Variants in SYTL3 observed in about 807,000 individuals in gnomAD.
SYTL3 encodes the protein synaptotagmin like 3, also known as synaptotagmin-like protein 3.
A neutral mutation model predicts 82.1 loss-of-function variants in SYTL3; 88 were observed. The observed-to-expected ratio is 1.07, with a 90% CI of 0.90 to 1.28. The LOEUF (loss-of-function observed/expected upper bound fraction) is 1.28. SYTL3 is among the 50% of genes most tolerant of loss of function. The pLI, the probability that SYTL3 is intolerant of heterozygous loss-of-function variation, is 0.00. For synonymous variants in SYTL3, 311 were observed against 289.4 expected (o/e 1.07, Z -0.76); for missense variants, 831 against 757.6 (o/e 1.10, Z -1.14).
chr6:158,753,590 C>T (rs1392815849), intron 13 of SYTL3, among the ~76,000 whole-genome samples: 1 of 151,672 alleles, frequency 6.6e-6, no homozygotes, highest in Non-Finnish European at 1.5e-5. Flanking sequence ...ATTAGCCGGG[C>T]GTGGTGGCGG....
chr6:158,692,769 C>G (rs1267262321), intron 6 of SYTL3, among the ~76,000 whole-genome samples: 2 of 130,440 alleles, frequency 1.5e-5, no homozygotes, highest in Admixed American at 1.5e-4. Context: ...AATCCCGTCT[C>G]TACTAAAAAA....
intron 8 of SYTL3, among the ~76,000 whole-genome samples, chr6:158,711,366 T>C (rs1351249735): frequency 6.6e-6 from 1 of 151,998 alleles, no homozygotes; most frequent in Non-Finnish European, 1.5e-5. Flanking sequence ...ACACAGCCAA[T>C]AGGATATGTA....
chr6:158,704,794 G>T (rs1035182870), intron 6 of SYTL3, among the ~76,000 whole-genome samples: 12 of 152,266 alleles, frequency 7.9e-5, no homozygotes, highest in Non-Finnish European at 1.3e-4. Context: ...TCAGGATACT[G>T]TTGCCACAAC....
intron 10 of SYTL3, among the ~76,000 whole-genome samples, chr6:158,720,698 C>G (rs1017677591): frequency 6.6e-6 from 1 of 152,094 alleles, no homozygotes; most frequent in South Asian, 2.1e-4. Flanking sequence ...AGCGTAATGC[C>G]CTTCAGAGGT....
At chr6:158,703,812 A>ATAT (rs531980948) in intron 6 of SYTL3, among the ~76,000 whole-genome samples, 13,190 of 122,526 alleles carry the variant, frequency 0.11, 715 homozygotes, top group South Asian at 0.18. Flanking sequence ...AGTGGGTTTT[A>ATAT]TATTATTATC....
chr6:158,723,579 G>A (rs1784381233), intron 10 of SYTL3, among the ~76,000 whole-genome samples: 1 of 152,070 alleles, frequency 6.6e-6, no homozygotes, highest in African/African-American at 2.4e-5. Context: ...CGTTTTAAGT[G>A]TATAGTTCGC....
At chr6:158,725,314 GGT>G (rs1017522598) in intron 10 of SYTL3, among the ~76,000 whole-genome samples, 187 bp from the exon 11 acceptor site, 1 of 151,700 alleles carries the variant, frequency 6.6e-6, no homozygotes, top group Non-Finnish European at 1.5e-5. Flanking sequence ...GCGCGTGTGT[GGT>G]GTGTGTGTGC....
chr6:158,708,539 G>A (rs939541631), intron 8 of SYTL3, 148 bp downstream of exon 8: 1 of 729,040 alleles, frequency 1.4e-6, no homozygotes. Flanking sequence ...AGCGGGGTGG[G>A]GAGCGAGGGC....
At chr6:158,756,670 C>A (rs907549388) in intron 13 of SYTL3, among the ~76,000 whole-genome samples, 1 of 148,280 alleles carries the variant, frequency 6.7e-6, no homozygotes, top group African/African-American at 2.5e-5. Context: ...CAAGATCGTG[C>A]CACTGCACTC....
In SYTL3 at chr6:158,656,370, G is replaced by A. The variant is rs113746505; in HGVS notation, c.-637+4528G>A. Among the ~76,000 whole-genome samples, 525 of 152,224 alleles carry A rather than the reference G, an allele frequency of 3.4e-3. 2 individuals are homozygous for A. The highest frequency in any genetic ancestry group is 0.012 in the African/African-American group (489 of 41,524). On this transcript the variant is annotated intron_variant, in intron 2 of 17. Transcript: ENST00000611299. Reference sequence around the variant, plus strand: ...GTGGTCGTTTGCCTGCAAGCAGGTGGGTGCAGCCAGTTCAGGACCCCTGTG... The same window carrying A: ...GTGGTCGTTTGCCTGCAAGCAGGTGAGTGCAGCCAGTTCAGGACCCCTGTG...
intron 5 of SYTL3, among the ~76,000 whole-genome samples, chr6:158,679,444 T>C (rs1778410827): frequency 1.3e-5 from 2 of 152,032 alleles, no homozygotes; most frequent in African/African-American, 4.8e-5. Context: ...TAATTGCTTA[T>C]GAAGATGCTG....
intron 1 of SYTL3, among the ~76,000 whole-genome samples, chr6:158,651,153 C>A (rs188003533): frequency 2.0e-5 from 3 of 152,152 alleles, no homozygotes; most frequent in African/African-American, 7.2e-5. Context: ...ACATTTACTT[C>A]ATAATGTGGC....
intron 5 of SYTL3, among the ~76,000 whole-genome samples, chr6:158,678,378 T>G (rs1292986599): frequency 1.3e-5 from 2 of 152,230 alleles, no homozygotes; most frequent in Non-Finnish European, 2.9e-5. Context: ...GACATCATGC[T>G]GACTTTTCTT....
intron 5 of SYTL3, among the ~76,000 whole-genome samples, chr6:158,669,888 G>A (rs1179482711): frequency 1.3e-5 from 2 of 152,230 alleles, no homozygotes; most frequent in East Asian, 3.8e-4. Flanking sequence ...GATCACATAA[G>A]CCCAGGAGTT....
chr6:158,698,373 G>T (rs933766984), intron 6 of SYTL3, among the ~76,000 whole-genome samples: 5 of 148,662 alleles, frequency 3.4e-5, no homozygotes, highest in African/African-American at 1.3e-4. Context: ...CCCCAGCCTG[G>T]GTGACAGAGT....
intron 6 of SYTL3, 74 bp downstream of exon 6, chr6:158,683,063 T>C (rs1393365183): frequency 2.6e-6 from 3 of 1,147,566 alleles, no homozygotes; most frequent in Non-Finnish European, 3.9e-6. Flanking sequence ...GTTAAGACTT[T>C]GGAATATAAG....
intron 6 of SYTL3, among the ~76,000 whole-genome samples, chr6:158,697,986 C>T (rs548783052): frequency 1.1e-4 from 16 of 152,196 alleles, no homozygotes; most frequent in Non-Finnish European, 2.1e-4. Flanking sequence ...TTGTTGCTCC[C>T]TGGAAGGCAC....
rs201342455 is a variant in SYTL3, at chr6:158,764,514, C to T, written c.1743C>T (p.Gly581=). 54 of 1,613,580 alleles carry T rather than the reference C, an allele frequency of 3.3e-5. No homozygotes were observed. The Middle Eastern group carries it at 1.2e-3, about 35-fold the overall frequency. ...RLGSKGDTAV[G]GDACSLSKLQ... is the part of the protein sequence containing the mutation. ...TTACAGAGGGAGACACAGCTGTTGG[C>T]GGGGATGCATGCTCACTATCGAAGC... Residue 581 remains glycine, a synonymous_variant, in exon 18 of 18, where the codon GGC becomes GGT. Transcript: ENST00000611299.
chr6:158,688,028 G>C (rs536492538), intron 6 of SYTL3, among the ~76,000 whole-genome samples: 1 of 152,256 alleles, frequency 6.6e-6, no homozygotes, highest in African/African-American at 2.4e-5. Flanking sequence ...AATGTATTGT[G>C]ATCAGACTCT....
Sources: allele counts gnomAD v4.1 joint callset (sites outside exome capture counted in the v4.1 genomes callset), GRCh38; gene constraint gnomAD v4.1.1; transcripts MANE v1.5; gene names NCBI Gene and HGNC (gene_info 2026-07-23, HGNC 2026-07-21).